Variants in ABCA1 observed in about 807,000 individuals in gnomAD.
ABCA1 encodes the protein ATP binding cassette subfamily A member 1.
ABCA1 carries 133 observed loss-of-function variants against 262.5 expected under a neutral mutation model. The ratio of observed to expected loss-of-function variants is 0.51; its 90% CI spans 0.44 to 0.59. The LOEUF (loss-of-function observed/expected upper bound fraction) is 0.59. ABCA1 is among the 20% of genes least tolerant of loss of function. The pLI is 0.00. For synonymous variants in ABCA1, 1,022 were observed against 1,043.5 expected (o/e 0.98, Z 0.40); for missense variants, 2,452 against 2,777.5 (o/e 0.88, Z 2.63).
At chr9:104,918,287 C>T (rs1364936611) in intron 1 of ABCA1, among the ~76,000 whole-genome samples, 1 of 152,142 alleles carries the variant, frequency 6.6e-6, no homozygotes. Flanking sequence ...AGATGAAAAC[C>T]TGTAGAGAGA....
chr9:104,865,515 CAAAAA>C (rs925876847), intron 5 of ABCA1, among the ~76,000 whole-genome samples: 2 of 66,972 alleles, frequency 3.0e-5, no homozygotes, highest in Non-Finnish European at 6.2e-5. Context: ...GACTCTGTCT[CAAAAA>C]AAAAAAAAAA....
intron 5 of ABCA1, among the ~76,000 whole-genome samples, chr9:104,881,031 C>T (rs1199764693): frequency 6.6e-6 from 1 of 152,126 alleles, no homozygotes; most frequent in Non-Finnish European, 1.5e-5. Flanking sequence ...TGCCTATAGT[C>T]CCAGCTACTC....
At chr9:104,788,593 G>T (rs759169063) in intron 44 of ABCA1, 26 bp from the exon 45 acceptor site, 1 of 1,613,620 alleles carries the variant, frequency 6.2e-7, no homozygotes, top group Non-Finnish European at 8.5e-7. Flanking sequence ...AAACTACTTA[G>T]ATTTTAAGCA....
intron 37 of ABCA1, among the ~76,000 whole-genome samples, chr9:104,797,221 A>G (rs1253661596): frequency 1.3e-5 from 2 of 152,246 alleles, no homozygotes; most frequent in African/African-American, 4.8e-5. Flanking sequence ...TATGCCTGGC[A>G]TAAGTCAGAC....
At chr9:104,819,851 A>G in intron 21 of ABCA1, 76 bp downstream of exon 21, 1 of 1,608,890 alleles carries the variant, frequency 6.2e-7, no homozygotes, top group Non-Finnish European at 8.5e-7. Flanking sequence ...ACCCTGGGGC[A>G]GTGCTGATTT....
intron 7 of ABCA1, among the ~76,000 whole-genome samples, chr9:104,848,418 G>T (rs776072783): frequency 6.6e-6 from 1 of 151,902 alleles, no homozygotes; most frequent in Non-Finnish European, 1.5e-5. Context: ...AGTTCAAGAC[G>T]AGCCTGGCCA....
intron 2 of ABCA1, among the ~76,000 whole-genome samples, chr9:104,893,421 CAAAAAAAAAAAAAAAAAA>C (rs34544647): frequency 5.7e-5 from 2 of 35,256 alleles, no homozygotes; most frequent in African/African-American, 9.3e-5. Context: ...GACTTCACCT[CAAAAAAAAAAAAAAAAAA>C]AAAAAAAAAA....
chr9:104,819,933 G>T lies in ABCA1; in HGVS notation c.3097C>A (p.Leu1033Met). Reference protein sequence around the residue: ...SSKLKSKTSQLSGGMQRKLSV... With the variant: ...SSKLKSKTSQMSGGMQRKLSV... The stretch of plus-strand genomic sequence containing the variant: ...AGGTAGCTCTGGGCCGCACCTGACA[G>T]CTGGCTTGTTTTGCTTTTCAGCTTG... Residue 1033 changes from leucine (L) to methionine (M), a missense_variant, in exon 21 of 50, where the codon CTG becomes ATG. Physicochemically the swap from Leu to Met is conservative, Grantham distance 15. Coordinates refer to ENST00000374736, the MANE Select transcript of ABCA1 (RefSeq NM_005502.4). The T allele has an allele frequency of 6.2e-7, 1 of 1,613,214 alleles. No homozygotes were observed. The highest frequency in any genetic ancestry group is 8.5e-7 in the Non-Finnish European group (1 of 1,179,964).
chr9:104,803,947 T>C (rs1316031525), intron 32 of ABCA1, among the ~76,000 whole-genome samples: 1 of 152,186 alleles, frequency 6.6e-6, no homozygotes, highest in Non-Finnish European at 1.5e-5. Context: ...CAATTGTGGA[T>C]GACATATGGA....
intron 5 of ABCA1, among the ~76,000 whole-genome samples, chr9:104,882,290 C>T (rs747969059): frequency 3.9e-5 from 6 of 152,168 alleles, no homozygotes; most frequent in Non-Finnish European, 7.4e-5. Flanking sequence ...TAATAAAATG[C>T]AGACCAGCTT....
At chr9:104,861,036 G>A (rs948039991) in intron 6 of ABCA1, among the ~76,000 whole-genome samples, 4 of 152,056 alleles carry the variant, frequency 2.6e-5, no homozygotes, top group East Asian at 1.9e-4. Context: ...GATTATAGAC[G>A]TGGGATTACA....
chr9:104,915,292 G>A (rs183369969), intron 1 of ABCA1, among the ~76,000 whole-genome samples: 2 of 152,288 alleles, frequency 1.3e-5, no homozygotes, highest in Admixed American at 6.5e-5. Context: ...GCAGCCCGGC[G>A]AGGGCCAGCT....
At chr9:104,803,172 G>A in intron 33 of ABCA1, 112 bp downstream of exon 33, 1 of 1,215,782 alleles carries the variant, frequency 8.2e-7, no homozygotes, top group Non-Finnish European at 1.2e-6. Flanking sequence ...ACAGTGAGAT[G>A]GCACCCACAA....
chr9:104,858,681 G>C lies in ABCA1; in HGVS notation c.561C>G (p.Tyr187Ter), dbSNP rs754015678. The change falls in exon 7 of 50, where the codon TAC (tyrosine) becomes TAG (stop). Residue 187 changes from tyrosine (Y) to a stop codon, truncating the protein, a stop_gained. Transcript: ENST00000374736. LOFTEE classifies it high-confidence loss of function. The part of the protein sequence containing the change: ...VILHKVFLQG[Y>*]QLHLTSLCNG... ...TGCACAGACTTGTCAAATGTAACTG[G>C]TAGCCTTGCAAAAATACCTGGAAGC... 1 of 1,614,146 alleles carries C rather than the reference G, an allele frequency of 6.2e-7. No individual in the cohort carries two copies. Among genetic ancestry groups the C allele is most frequent in the Admixed American group, 1.7e-5 (1 of 60,022 alleles).
At chr9:104,806,185 A>G in intron 31 of ABCA1, 56 bp downstream of exon 31, 1 of 1,548,652 alleles carries the variant, frequency 6.5e-7, no homozygotes, top group Non-Finnish European at 8.9e-7. Flanking sequence ...TCCAAGCGGA[A>G]GCTACCAGCC....
At chr9:104,910,606 G>C (rs899445574) in intron 1 of ABCA1, among the ~76,000 whole-genome samples, 1 of 152,286 alleles carries the variant, frequency 6.6e-6, no homozygotes, top group South Asian at 2.1e-4. Context: ...GTGTGTATGT[G>C]CGTGTATTCC....
At chr9:104,819,553 T>G in intron 22 of ABCA1, 33 bp downstream of exon 22, 1 of 1,613,754 alleles carries the variant, frequency 6.2e-7, no homozygotes, top group Non-Finnish European at 8.5e-7. Flanking sequence ...TCTCTCTCAG[T>G]CCATTTACTC....
rs1223165394 is a variant in ABCA1 at position 104,821,379 on chromosome 9, C to G, written c.2956G>C (p.Asp986His). The part of the protein sequence containing the change: ...GVCPQHNVLF[D>H]MLTVEEHIWF... ...TAACGTGCTGCTGGTACTCACATGT[C>G]AAACAGCACGTTATGCTGGGGACAG... The change falls in exon 20 of 50, where the codon GAC (aspartate) becomes CAC (histidine). Residue 986 changes from aspartate (D) to histidine (H), a missense_variant. By Grantham distance (81) the Asp-to-His change is moderately conservative. This residue lies in a region of ABCA1 where 665 missense variants were observed against 727.3 expected (regional missense o/e 0.91). Coordinates refer to ENST00000374736, the MANE Select transcript of ABCA1 (RefSeq NM_005502.4). The G allele has an allele frequency of 6.2e-7, 1 of 1,614,126 alleles. No individual in the cohort carries two copies. The highest frequency in any genetic ancestry group is 1.1e-5 in the South Asian group (1 of 91,072).
At chr9:104,790,268 G>A (rs1829313400) in intron 44 of ABCA1, among the ~76,000 whole-genome samples, 2 of 152,140 alleles carry the variant, frequency 1.3e-5, no homozygotes, top group East Asian at 1.9e-4. Flanking sequence ...TCTTTAGAGA[G>A]GGCAATTTAC....
Sources: gnomAD v4.1 joint callset for allele counts (sites outside exome capture counted in the v4.1 genomes callset) on GRCh38, gnomAD v4.1.1 for gene constraint, gnomAD v4.1.1 regional missense constraint, MANE v1.5 for transcripts, NCBI Gene and HGNC (gene_info 2026-07-23, HGNC 2026-07-21) for gene names.